The following PALM variants were observed in gnomAD, a reference collection of about 807,000 sequenced individuals.
PALM encodes the protein paralemmin, also known as paralemmin-1.
Under a neutral mutation model 30.7 loss-of-function variants are expected in PALM, and 18 were observed. The ratio of observed to expected loss-of-function variants is 0.59; its 90% CI spans 0.41 to 0.87. The LOEUF (loss-of-function observed/expected upper bound fraction) is 0.87, where lower values mean the gene tolerates loss of function less well. Ranked by LOEUF, PALM falls within the 40% of genes least tolerant of loss-of-function variation. The probability of loss-of-function intolerance (pLI) is 0.00; values close to 1 mark genes in which losing one functional copy is unlikely to be tolerated. For synonymous variants in PALM, 286 were observed against 242.8 expected, an observed-to-expected ratio of 1.18 and a Z score of -1.66; for missense variants, 529 against 555.4, an observed-to-expected ratio of 0.95 and a Z score of 0.48.
At chr19:736,420 A>G (rs1462685140) in intron 7 of PALM, among the ~76,000 whole-genome samples, 1 of 152,028 alleles carries the variant, frequency 6.6e-6, no homozygotes, top group East Asian at 1.9e-4. Flanking sequence ...ACGCCTGAAC[A>G]TGCTCGCTGC....
intron 8 of PALM, among the ~76,000 whole-genome samples, chr19:741,852 T>C (rs1341929720): frequency 6.6e-6 from 1 of 152,090 alleles, no homozygotes; most frequent in Non-Finnish European, 1.5e-5. Context: ...TCTTTTTATT[T>C]ATTTACTTTC....
intron 1 of PALM, among the ~76,000 whole-genome samples, chr19:722,161 G>A (rs62131296): frequency 0.27 from 40,356 of 150,144 alleles, 6,112 homozygotes; most frequent in South Asian, 0.41. Flanking sequence ...CTCGTGATCC[G>A]CCCGCCTCGG....
Position 747,005 on chromosome 19 carries a change from C to T in PALM, c.*191C>T, listed in dbSNP as rs1906306397. ...CCCCACCCGTCACCACGCCCCAACA[C>T]TCCCCCCGAACCAGAGCCGTGCACT... On this transcript the variant is annotated 3_prime_UTR_variant, in exon 9 of 9. Transcript: ENST00000338448. 1 of 591,288 alleles carries T rather than the reference C, an allele frequency of 1.7e-6. No individual in the cohort carries two copies. Among genetic ancestry groups the T allele is most frequent in the Non-Finnish European group, 3.0e-6 (1 of 332,222 alleles). 36.6% of individuals were successfully genotyped at this position (591,288 alleles called of 1,614,324 possible).
intron 1 of PALM, among the ~76,000 whole-genome samples, chr19:724,762 G>A (rs935792325): frequency 5.3e-5 from 8 of 152,062 alleles, no homozygotes; most frequent in South Asian, 4.1e-4. Flanking sequence ...GACTACAGGC[G>A]CACACCACCA....
At chr19:720,208 C>A (rs573852912) in intron 1 of PALM, among the ~76,000 whole-genome samples, 3 of 151,938 alleles carry the variant, frequency 2.0e-5, no homozygotes, top group Admixed American at 1.3e-4. Flanking sequence ...GCCGGCCCCA[C>A]CCCCGCGCGC....
At chr19:719,751 C>G in intron 1 of PALM, 1 of 543,022 alleles carries the variant, frequency 1.8e-6, no homozygotes, top group Middle Eastern at 9.6e-4. Flanking sequence ...GAATGAGACT[C>G]CCCCGCGCCT....
chr19:720,550 G>A lies in PALM; in HGVS notation c.6-5588G>A, dbSNP rs1159957358. 1.5e-3 allele frequency among the ~76,000 whole-genome samples: 202 copies of A among 132,580 alleles called. 3 individuals are homozygous for A. The highest frequency in any genetic ancestry group is 4.3e-3 in the Middle Eastern group (1 of 234). The allele number at this position is 132,580 out of a possible 152,430, so 87.0% of individuals were successfully genotyped here. On this transcript the variant is annotated intron_variant, in intron 1 of 8. Transcript: ENST00000338448. ...GGGGAGGGGCGAGAGGGGCGCCCGG[G>A]CCTGGGGAGAGTGAAGGGGGCGCCG...
At chr19:722,291 C>G (rs938628528) in intron 1 of PALM, among the ~76,000 whole-genome samples, 5 of 152,048 alleles carry the variant, frequency 3.3e-5, no homozygotes, top group African/African-American at 4.8e-5. Context: ...CACGGCTCGA[C>G]CCAGCCTCAA....
intron 1 of PALM, among the ~76,000 whole-genome samples, chr19:713,426 C>T (rs2032149735): frequency 6.6e-6 from 1 of 152,068 alleles, no homozygotes; most frequent in Non-Finnish European, 1.5e-5. Flanking sequence ...GATGTGACTG[C>T]CATCATTAGG....
At chr19:734,256 G>T (rs758753713) in intron 6 of PALM, 62 bp downstream of exon 6, 7 of 1,527,980 alleles carry the variant, frequency 4.6e-6, no homozygotes, top group Admixed American at 3.4e-5. Context: ...AGAGGGGATG[G>T]CAGGGCGGGG....
At chr19:724,539 T>A (rs1238873788) in intron 1 of PALM, among the ~76,000 whole-genome samples, 4 of 152,086 alleles carry the variant, frequency 2.6e-5, no homozygotes, top group African/African-American at 9.7e-5. Flanking sequence ...CAGGCTGGTC[T>A]AGAACTCCTG....
intron 1 of PALM, among the ~76,000 whole-genome samples, chr19:715,675 G>A (rs546847818): frequency 3.9e-5 from 6 of 152,280 alleles, no homozygotes; most frequent in Admixed American, 2.6e-4. Context: ...CAGGGGAGGA[G>A]CAGTGGCTGA....
chr19:716,567 G>A (rs903096932), intron 1 of PALM, among the ~76,000 whole-genome samples: 4 of 152,182 alleles, frequency 2.6e-5, no homozygotes, highest in African/African-American at 9.6e-5. Flanking sequence ...AGAGATGCGG[G>A]ACCCTGAAGG....
Position 746,083 on chromosome 19 carries a change from A to G in PALM, c.635-202A>G, listed in dbSNP as rs118184473. On this transcript the variant is annotated intron_variant, in intron 8 of 8. Transcript: ENST00000338448. This position sits in a 1 kb window ranked among gnomAD's most constrained non-coding sequence, Gnocchi z 7.1. ...AAAAAAAATTTTTTTTCCTCATTGT[A>G]CGGCATTGGCTGCATCCACAGATGC... Among the ~76,000 whole-genome samples, 7 of 152,254 alleles carry G rather than the reference A, an allele frequency of 4.6e-5. No homozygotes were observed. The East Asian group carries it at 1.4e-3, about 29-fold the overall frequency.
At chr19:724,463 G>A (rs1169158354) in intron 1 of PALM, among the ~76,000 whole-genome samples, 1 of 151,938 alleles carries the variant, frequency 6.6e-6, no homozygotes, top group Non-Finnish European at 1.5e-5. Flanking sequence ...GGGATTACAG[G>A]TGCCGACCAC....
intron 7 of PALM, among the ~76,000 whole-genome samples, chr19:739,124 G>A (rs1052044532): frequency 6.6e-6 from 1 of 152,194 alleles, no homozygotes; most frequent in African/African-American, 2.4e-5. Context: ...GGTTTCTGCA[G>A]GAATGATTTT....
At chr19:738,009 G>T (rs886617309) in intron 7 of PALM, among the ~76,000 whole-genome samples, 2 of 152,130 alleles carry the variant, frequency 1.3e-5, no homozygotes, top group African/African-American at 2.4e-5. Flanking sequence ...TGGGGGAGGA[G>T]GCTGGGATGG....
intron 7 of PALM, among the ~76,000 whole-genome samples, chr19:739,160 G>A (rs1036594370): frequency 1.3e-5 from 2 of 152,178 alleles, no homozygotes; most frequent in Admixed American, 1.3e-4. Flanking sequence ...GGTGCTGGCT[G>A]TGGAGTTAGG....
chr19:731,395 C>G (rs1166406701), intron 5 of PALM, 150 bp downstream of exon 5: 2 of 746,590 alleles, frequency 2.7e-6, no homozygotes, highest in East Asian at 5.8e-5. Flanking sequence ...GAGCCACTTC[C>G]CAGCTGTGTG....
Sources: allele counts gnomAD v4.1 joint callset (sites outside exome capture counted in the v4.1 genomes callset), GRCh38; gene constraint gnomAD v4.1.1; non-coding constraint Gnocchi (gnomAD v3.1); transcripts MANE v1.5; gene names NCBI Gene and HGNC (gene_info 2026-07-23, HGNC 2026-07-21).